The following PRKAR1B variants were observed in gnomAD, a reference collection of about 807,000 sequenced individuals.
PRKAR1B encodes cAMP-dependent protein kinase type I-beta regulatory subunit.
A neutral mutation model predicts 46.5 loss-of-function variants in PRKAR1B; 22 were observed. That is an observed-to-expected ratio of 0.47 (90% CI 0.34 to 0.68). The LOEUF (loss-of-function observed/expected upper bound fraction) is 0.68, where lower values mean the gene tolerates loss of function less well. Ranked by LOEUF, PRKAR1B falls within the 30% of genes least tolerant of loss-of-function variation. PRKAR1B has a pLI of 0.01. For missense variants in PRKAR1B, 445 were observed against 535.6 expected (o/e 0.83, Z 1.67); for synonymous variants, 259 against 217.7 (o/e 1.19, Z -1.67).
At chr7:577,102 G>A (rs1031416667) in intron 9 of PRKAR1B, among the ~76,000 whole-genome samples, 6 of 150,294 alleles carry the variant, frequency 4.0e-5, no homozygotes, top group Admixed American at 6.6e-5. Context: ...CTCCATCAAC[G>A]GCCTCGTCCA....
At chr7:673,515 G>A (rs1786405572) in intron 4 of PRKAR1B, among the ~76,000 whole-genome samples, 2 of 151,948 alleles carry the variant, frequency 1.3e-5, no homozygotes, top group African/African-American at 4.8e-5. Context: ...CAGGCATGGT[G>A]GCGGGCGCCT....
intron 1 of PRKAR1B, among the ~76,000 whole-genome samples, chr7:722,134 T>C (rs1472604657): frequency 7.0e-6 from 1 of 141,908 alleles, no homozygotes. Flanking sequence ...GGAGTCTTGC[T>C]CTGTCACCCA....
chr7:607,028 G>A (rs936614371), intron 5 of PRKAR1B, among the ~76,000 whole-genome samples: 2 of 152,138 alleles, frequency 1.3e-5, no homozygotes, highest in African/African-American at 4.8e-5. Context: ...ATTTGAGACA[G>A]AGTCTTACTG....
chr7:677,842 C>T (rs1297672245), intron 3 of PRKAR1B, among the ~76,000 whole-genome samples: 1 of 152,158 alleles, frequency 6.6e-6, no homozygotes, highest in African/African-American at 2.4e-5. Flanking sequence ...CAGACACAAG[C>T]CTAGCTGGTA....
chr7:595,232 C>T (rs1372414021), intron 7 of PRKAR1B, among the ~76,000 whole-genome samples: 1 of 152,224 alleles, frequency 6.6e-6, no homozygotes, highest in Admixed American at 6.5e-5. Flanking sequence ...CCTCACGCTC[C>T]TGGGCTGCTT....
intron 2 of PRKAR1B, among the ~76,000 whole-genome samples, chr7:699,327 C>T (rs979760996): frequency 1.1e-4 from 17 of 152,328 alleles, no homozygotes; most frequent in African/African-American, 2.4e-4. Flanking sequence ...CAAAGCACCA[C>T]GTGCCATATC....
intron 1 of PRKAR1B, among the ~76,000 whole-genome samples, chr7:726,215 G>A (rs189972955): frequency 2.0e-5 from 3 of 152,238 alleles, no homozygotes; most frequent in African/African-American, 7.2e-5. Flanking sequence ...TCTAATGACA[G>A]GCTGCACGTG....
intron 9 of PRKAR1B, among the ~76,000 whole-genome samples, chr7:574,491 C>T (rs2128439111): frequency 6.6e-6 from 1 of 151,780 alleles, no homozygotes; most frequent in Non-Finnish European, 1.5e-5. Flanking sequence ...GTGGCCCAGG[C>T]TGGAGTACAA....
intron 6 of PRKAR1B, among the ~76,000 whole-genome samples, chr7:596,930 GGCTGGGCGCTGCGGCCGA>G (rs1476676442): frequency 6.6e-6 from 1 of 152,272 alleles, no homozygotes; most frequent in Non-Finnish European, 1.5e-5. Flanking sequence ...GGCGCCCTAT[GGCTGGGCGCTGCGGCCGA>G]GCTGCGCCTG....
chr7:630,233 C>T (rs566327787), intron 4 of PRKAR1B, among the ~76,000 whole-genome samples: 13 of 152,206 alleles, frequency 8.5e-5, no homozygotes, highest in Non-Finnish European at 4.4e-5. Flanking sequence ...CCAGGCCAGG[C>T]GAAGGTGACC....
At chr7:665,345 G>T (rs1341453846) in intron 4 of PRKAR1B, among the ~76,000 whole-genome samples, 1 of 152,178 alleles carries the variant, frequency 6.6e-6, no homozygotes, top group Non-Finnish European at 1.5e-5. Flanking sequence ...GCCCGACGCA[G>T]CCTGCTTAAC....
At chr7:550,760 G>A (rs568313049) in intron 10 of PRKAR1B, among the ~76,000 whole-genome samples, 158 bp from the exon 11 acceptor site, 8 of 152,220 alleles carry the variant, frequency 5.3e-5, no homozygotes, top group African/African-American at 9.6e-5. Flanking sequence ...AGTATAGCCC[G>A]AGAACTATTT....
chr7:579,465 G>T (rs112178965), intron 8 of PRKAR1B, 88 bp from the exon 9 acceptor site: 40 of 1,544,934 alleles, frequency 2.6e-5, no homozygotes, highest in Admixed American at 2.4e-4. Context: ...CTTCCCGAAA[G>T]GTGTCCTCAG....
At chr7:556,569 C>T (rs943033895) in intron 9 of PRKAR1B, among the ~76,000 whole-genome samples, 3 of 152,198 alleles carry the variant, frequency 2.0e-5, no homozygotes, top group Non-Finnish European at 4.4e-5. Context: ...CCAAGACGGC[C>T]GGCAGGGGCC....
At chr7:553,451 C>G (rs1017983711) in intron 9 of PRKAR1B, among the ~76,000 whole-genome samples, 1 of 152,234 alleles carries the variant, frequency 6.6e-6, no homozygotes, top group African/African-American at 2.4e-5. Flanking sequence ...TGAGGAATGT[C>G]ACCATCCCAT....
intron 7 of PRKAR1B, among the ~76,000 whole-genome samples, chr7:595,627 G>A (rs1042028302): frequency 4.6e-5 from 7 of 152,132 alleles, no homozygotes; most frequent in Admixed American, 2.6e-4. Flanking sequence ...TAGCACCCCC[G>A]CCGCCCACAG....
intron 4 of PRKAR1B, among the ~76,000 whole-genome samples, chr7:636,842 A>C (rs1374201865): frequency 1.3e-5 from 2 of 152,126 alleles, no homozygotes; most frequent in Non-Finnish European, 1.5e-5. Context: ...CCCTGCTATC[A>C]AGAGCAGCTC....
intron 10 of PRKAR1B, among the ~76,000 whole-genome samples, chr7:550,998 C>T (rs1784148938): frequency 6.6e-6 from 1 of 151,206 alleles, no homozygotes; most frequent in South Asian, 2.1e-4. Context: ...CCTCAGGACC[C>T]AGACCCCCAG....
chr7:561,393 T>C (rs898714126), intron 9 of PRKAR1B, among the ~76,000 whole-genome samples: 3 of 152,248 alleles, frequency 2.0e-5, no homozygotes, highest in Non-Finnish European at 4.4e-5. Context: ...TTATGTTTTT[T>C]TAAGCAACCG....
Sources: allele counts gnomAD v4.1 joint callset (sites outside exome capture counted in the v4.1 genomes callset), GRCh38; gene constraint gnomAD v4.1.1; transcripts MANE v1.5; gene names NCBI Gene and HGNC (gene_info 2026-07-23, HGNC 2026-07-21).